The following HNRNPF variants were observed in gnomAD, a reference collection of about 807,000 sequenced individuals.
HNRNPF encodes the protein HnRNP F protein.
A neutral mutation model predicts 26.0 loss-of-function variants in HNRNPF; 2 were observed. The ratio of observed to expected loss-of-function variants is 0.08; its 90% confidence interval spans 0.03 to 0.24. The LOEUF (loss-of-function observed/expected upper bound fraction) is 0.24. Ranked by LOEUF, HNRNPF falls within the 10% of genes least tolerant of loss-of-function variation. The probability of loss-of-function intolerance (pLI) is 1.00; values close to 1 mark genes in which losing one functional copy is unlikely to be tolerated. For synonymous variants in HNRNPF, 234 were observed against 211.5 expected, an observed-to-expected ratio of 1.11 and a Z score of -0.92; for missense variants, 299 against 539.2, an observed-to-expected ratio of 0.55 and a Z score of 4.41.
chr10:43,400,541 T>C (rs1001443803), intron 1 of HNRNPF, among the ~76,000 whole-genome samples: 1 of 152,212 alleles, frequency 6.6e-6, no homozygotes, highest in Non-Finnish European at 1.5e-5. Context: ...GTTGGAAATA[T>C]TGAAAATTGG....
intron 1 of HNRNPF, among the ~76,000 whole-genome samples, chr10:43,406,706 A>AT (rs1215945237): frequency 4.0e-5 from 6 of 151,612 alleles, no homozygotes; most frequent in Non-Finnish European, 4.4e-5. Flanking sequence ...AATAATACAT[A>AT]TTTTTTTATA....
At position 43,385,746 on chromosome 10, in the gene HNRNPF, CTGAA is replaced by C. The variant is rs765583727; in HGVS notation, c.*887_*890del. On this transcript the variant is annotated 3_prime_UTR_variant, in exon 4 of 4. Transcript: ENST00000682386. ...GCATCAAGGGCCTAGCAGGAAAATTCTGAATGGTTTACAACAGTGCACATAAGTT... is the reference window on the plus strand; with the variant it reads ...GCATCAAGGGCCTAGCAGGAAAATTCTGGTTTACAACAGTGCACATAAGTT... The C allele has an allele frequency of 6.6e-6, 1 of 152,210 alleles. No homozygotes were observed. The highest frequency in any genetic ancestry group is 6.5e-5 in the Admixed American group (1 of 15,274). 9.4% of individuals were successfully genotyped at this position (152,210 alleles called of 1,614,324 possible). A position where few individuals can be genotyped will look rare whatever the true frequency, so the allele number is the denominator to read the frequency against.
intron 3 of HNRNPF, among the ~76,000 whole-genome samples, chr10:43,391,192 C>G (rs994472624): frequency 6.6e-6 from 1 of 151,876 alleles, no homozygotes; most frequent in Admixed American, 6.6e-5. Context: ...ACTTGGGAGG[C>G]TGAGGCAGGA....
intron 2 of HNRNPF, among the ~76,000 whole-genome samples, chr10:43,395,305 C>A (rs1170466069): frequency 6.6e-6 from 1 of 152,110 alleles, no homozygotes; most frequent in East Asian, 1.9e-4. Flanking sequence ...GAGACACATC[C>A]AAAAGACACT....
rs1838003160 is a variant in HNRNPF at position 43,385,837 on chromosome 10, T to C, written c.*800A>G. 6.6e-6 allele frequency: 1 copy of C among 152,470 alleles called. No individual in the cohort carries two copies. The highest frequency in any genetic ancestry group is 6.5e-5 in the Admixed American group (1 of 15,274). 9.4% of individuals were successfully genotyped at this position (152,470 alleles called of 1,614,324 possible). Reference sequence around the variant, plus strand: ...CCAGAATGTGTGCTGCTAGTCACCATTTCCACCATTCACATATTTAACATT... The same window carrying C: ...CCAGAATGTGTGCTGCTAGTCACCACTTCCACCATTCACATATTTAACATT... On this transcript the variant is annotated 3_prime_UTR_variant, in exon 4 of 4. Coordinates refer to ENST00000682386, the MANE Select transcript of HNRNPF (RefSeq NM_001098204.2).
chr10:43,386,897 C>T lies in HNRNPF; in HGVS notation c.988G>A (p.Glu330Lys). ...TGAGTAGCAAACTCAACATCTGCTT[C>T]ACCCGTCACTCTTCCATCTGGGCCA... ...EIGPDGRVTGEADVEFATHEE... is the reference protein window; with the variant it reads ...EIGPDGRVTGKADVEFATHEE... The change falls in exon 4 of 4, where the codon GAA becomes AAA. Residue 330 changes from glutamate (E) to lysine (K), a missense_variant. By Grantham distance (56) the Glu-to-Lys change is moderately conservative. Transcript: ENST00000682386. 1 of 1,614,222 alleles carries T rather than the reference C, an allele frequency of 6.2e-7. No individual in the cohort carries two copies. The highest frequency in any genetic ancestry group is 1.1e-5 in the South Asian group (1 of 91,080).
chr10:43,392,330 G>A (rs1406012127), intron 3 of HNRNPF, among the ~76,000 whole-genome samples: 1 of 152,174 alleles, frequency 6.6e-6, no homozygotes, highest in Non-Finnish European at 1.5e-5. Context: ...CATGAGGTCA[G>A]GAGATCGAGA....
chr10:43,389,160 C>T (rs933726041), intron 3 of HNRNPF, among the ~76,000 whole-genome samples: 8 of 151,892 alleles, frequency 5.3e-5, no homozygotes, highest in Admixed American at 2.0e-4. Flanking sequence ...TTAGGAGATA[C>T]GGGATTTCAC....
At chr10:43,388,862 T>C (rs578077560) in intron 3 of HNRNPF, among the ~76,000 whole-genome samples, 6 of 151,712 alleles carry the variant, frequency 4.0e-5, no homozygotes, top group South Asian at 2.1e-4. Context: ...GTCTATAACA[T>C]AGTCACAAGC....
intron 1 of HNRNPF, among the ~76,000 whole-genome samples, chr10:43,401,400 T>G (rs1337904074): frequency 1.3e-5 from 2 of 152,182 alleles, no homozygotes; most frequent in African/African-American, 4.8e-5. Context: ...GGACAAATTC[T>G]GACCGATCAT....
intron 1 of HNRNPF, among the ~76,000 whole-genome samples, chr10:43,407,239 G>T (rs1393883412): frequency 6.6e-6 from 1 of 151,256 alleles, no homozygotes; most frequent in Non-Finnish European, 1.5e-5. Flanking sequence ...CGCCGCCGCC[G>T]CCCGTTGCCC....
chr10:43,393,855 G>T (rs1838353440), intron 3 of HNRNPF, among the ~76,000 whole-genome samples: 1 of 152,202 alleles, frequency 6.6e-6, no homozygotes, highest in Non-Finnish European at 1.5e-5. Flanking sequence ...CTTCAGGGAT[G>T]TGACGCACAT....
At chr10:43,394,347 CCT>C (rs1244005072) in intron 3 of HNRNPF, among the ~76,000 whole-genome samples, 1 of 152,192 alleles carries the variant, frequency 6.6e-6, no homozygotes, top group African/African-American at 2.4e-5. Flanking sequence ...AAAATTACTT[CCT>C]CTCTGAAGGC....
chr10:43,388,871 G>A (rs745779279), intron 3 of HNRNPF, among the ~76,000 whole-genome samples: 1 of 151,768 alleles, frequency 6.6e-6, no homozygotes, highest in Non-Finnish European at 1.5e-5. Context: ...ATAGTCACAA[G>A]CAAGAAAAAC....
At chr10:43,393,986 A>G (rs1239423775) in intron 3 of HNRNPF, among the ~76,000 whole-genome samples, 2 of 152,046 alleles carry the variant, frequency 1.3e-5, no homozygotes, top group East Asian at 1.9e-4. Context: ...AGGTCTTCTC[A>G]TTATCCAAAT....
chr10:43,398,210 G>T (rs935013485), intron 1 of HNRNPF, among the ~76,000 whole-genome samples: 1 of 152,110 alleles, frequency 6.6e-6, no homozygotes, highest in Non-Finnish European at 1.5e-5. Flanking sequence ...GTTTTTAGTA[G>T]AGATGTGGTT....
At chr10:43,391,193 T>G (rs549649063) in intron 3 of HNRNPF, among the ~76,000 whole-genome samples, 7 of 151,770 alleles carry the variant, frequency 4.6e-5, no homozygotes, top group Middle Eastern at 3.4e-3. Context: ...CTTGGGAGGC[T>G]GAGGCAGGAG....
intron 1 of HNRNPF, among the ~76,000 whole-genome samples, chr10:43,408,492 G>C (rs887672942): frequency 1.1e-4 from 17 of 152,148 alleles, no homozygotes; most frequent in African/African-American, 4.8e-5. Flanking sequence ...CTCGGTCCCA[G>C]GTTTGCGGCG....
intron 3 of HNRNPF, among the ~76,000 whole-genome samples, chr10:43,393,218 T>C (rs1221466177): frequency 6.6e-6 from 1 of 152,250 alleles, no homozygotes; most frequent in South Asian, 2.1e-4. Context: ...ATTTTCTTTC[T>C]GTACCTCATA....
Sources: allele counts gnomAD v4.1 joint callset (sites outside exome capture counted in the v4.1 genomes callset), GRCh38; gene constraint gnomAD v4.1.1; transcripts MANE v1.5; gene names NCBI Gene and HGNC (gene_info 2026-07-23, HGNC 2026-07-21).